The following APP variants were observed in gnomAD, a reference collection of about 807,000 sequenced individuals.
APP encodes the protein amyloid-beta precursor protein.
In APP, 31 loss-of-function variants were observed where a neutral mutation model predicts 101.4. The observed-to-expected ratio is 0.31, with a 90% CI of 0.23 to 0.41. The LOEUF (loss-of-function observed/expected upper bound fraction) is 0.41, where lower values mean the gene tolerates loss of function less well. APP is among the 10% of genes least tolerant of loss of function. The pLI, the probability that APP is intolerant of heterozygous loss-of-function variation, is 1.00. For missense variants in APP, 839 were observed against 1,003.7 expected (o/e 0.84, Z 2.22); for synonymous variants, 366 against 364.4 (o/e 1.00, Z -0.05).
At chr21:26,052,962 G>A (rs939566191) in intron 4 of APP, among the ~76,000 whole-genome samples, 16 of 152,068 alleles carry the variant, frequency 1.1e-4, no homozygotes, top group African/African-American at 3.1e-4. Flanking sequence ...AGTTCAACTG[G>A]CCCTATTTTT....
intron 6 of APP, among the ~76,000 whole-genome samples, chr21:26,014,990 T>G (rs1404399549): frequency 6.6e-6 from 1 of 152,228 alleles, no homozygotes; most frequent in Admixed American, 6.5e-5. Context: ...TAATACTATC[T>G]TATCCAATTT....
intron 1 of APP, among the ~76,000 whole-genome samples, chr21:26,162,488 G>T (rs1457488922): frequency 6.6e-6 from 1 of 151,970 alleles, no homozygotes; most frequent in Non-Finnish European, 1.5e-5. Flanking sequence ...TAATTTTACT[G>T]TGAAATAACG....
chr21:26,080,769 C>CA (rs58573361), intron 3 of APP, among the ~76,000 whole-genome samples: 8,646 of 95,588 alleles, frequency 0.09, 321 homozygotes, highest in East Asian at 0.13. Flanking sequence ...GACTCTATCT[C>CA]AAAAAAAAAA....
intron 1 of APP, among the ~76,000 whole-genome samples, chr21:26,155,825 C>G (rs2063363760): frequency 6.6e-6 from 1 of 152,004 alleles, no homozygotes; most frequent in Non-Finnish European, 1.5e-5. Flanking sequence ...GAAACCCTGT[C>G]TCTACCAAAA....
chr21:26,139,410 G>A (rs2062993008), intron 1 of APP, among the ~76,000 whole-genome samples: 1 of 152,114 alleles, frequency 6.6e-6, no homozygotes, highest in Admixed American at 6.5e-5. Flanking sequence ...GATAAGGTAA[G>A]GTTACATTAG....
intron 5 of APP, among the ~76,000 whole-genome samples, chr21:26,042,728 C>T (rs1157998754): frequency 2.7e-5 from 4 of 147,498 alleles, no homozygotes; most frequent in African/African-American, 7.5e-5. Flanking sequence ...ATAGTGAGAC[C>T]CCTGTCTCTA....
At position 25,992,853 on chromosome 21, in the gene APP, C is replaced by T. The variant is rs539193214; in HGVS notation, c.1090+4507G>A. Among the ~76,000 whole-genome samples, 6 of 152,286 alleles carry T rather than the reference C, an allele frequency of 3.9e-5. No homozygotes were observed. In the East Asian group the frequency reaches 1.2e-3, roughly 29 times the overall value. On this transcript the variant is annotated intron_variant, in intron 8 of 17. Coordinates refer to ENST00000346798, the MANE Select transcript of APP (RefSeq NM_000484.4). ...TCCCAGGTTGCCTAATCTAATTTGG[C>T]AGTTTTAGTTCCAATGGTATTGCAG...
chr21:26,134,284 C>T (rs150522514), intron 1 of APP, among the ~76,000 whole-genome samples: 3 of 152,264 alleles, frequency 2.0e-5, no homozygotes, highest in African/African-American at 7.2e-5. Flanking sequence ...TTACACATCC[C>T]ACAGGCTGAG....
At chr21:26,119,843 G>C (rs1037839871) in intron 1 of APP, among the ~76,000 whole-genome samples, 1 of 152,184 alleles carries the variant, frequency 6.6e-6, no homozygotes, top group Non-Finnish European at 1.5e-5. Context: ...TCCTCAGAGA[G>C]AGTGGTTTGA....
intron 16 of APP, among the ~76,000 whole-genome samples, chr21:25,897,261 T>TCACAC (rs2038123935): frequency 2.0e-5 from 3 of 152,090 alleles, no homozygotes; most frequent in South Asian, 2.1e-4. Flanking sequence ...TACAGGTGTT[T>TCACAC]GCCACCACAC....
chr21:26,019,653 GT>G (rs11295666), intron 6 of APP, among the ~76,000 whole-genome samples: 152,301 of 152,302 alleles, frequency 1, 76,150 homozygotes, highest in Non-Finnish European at 1. Context: ...AAAATCTAAT[GT>G]TTCAAGTAAA....
chr21:26,058,707 G>A (rs1376313563), intron 3 of APP, among the ~76,000 whole-genome samples: 1 of 152,120 alleles, frequency 6.6e-6, no homozygotes, highest in East Asian at 1.9e-4. Context: ...AGGCTGTGGT[G>A]GGAGGATCAC....
chr21:26,056,862 AATTTGAT>A (rs2046062509), intron 3 of APP, among the ~76,000 whole-genome samples: 1 of 152,262 alleles, frequency 6.6e-6, no homozygotes, highest in East Asian at 1.9e-4. Context: ...TTACTTTTAA[AATTTGAT>A]GAAACATGTT....
At chr21:26,087,874 A>G (rs1162128032) in intron 3 of APP, among the ~76,000 whole-genome samples, 1 of 152,238 alleles carries the variant, frequency 6.6e-6, no homozygotes, top group African/African-American at 2.4e-5. Flanking sequence ...ACAAATACAA[A>G]TATTTGGACA....
At chr21:26,086,728 T>C (rs927796727) in intron 3 of APP, among the ~76,000 whole-genome samples, 1 of 152,240 alleles carries the variant, frequency 6.6e-6, no homozygotes, top group African/African-American at 2.4e-5. Flanking sequence ...TGGAGATTTA[T>C]CCTATACTAG....
chr21:25,971,369 T>C lies in APP; in HGVS notation c.1458+3701A>G, dbSNP rs540497334. 1.7e-4 allele frequency among the ~76,000 whole-genome samples: 26 copies of C among 152,304 alleles called. 2 individuals carry two copies. The South Asian group carries it at 5.2e-3, about 30-fold the overall frequency. On this transcript the variant is annotated intron_variant, in intron 11 of 17. Coordinates refer to ENST00000346798, the MANE Select transcript of APP (RefSeq NM_000484.4). ...CATAAACAACATTTCTGCAAGACAT[T>C]AGACATCAGGTGAAGGACACTGATT...
intron 6 of APP, among the ~76,000 whole-genome samples, chr21:26,012,671 G>A (rs2043860881): frequency 6.6e-6 from 1 of 151,668 alleles, no homozygotes; most frequent in South Asian, 2.1e-4. Flanking sequence ...CAGACCTATG[G>A]CTTGGCTAAA....
intron 13 of APP, among the ~76,000 whole-genome samples, chr21:25,920,732 T>C (rs1268971484): frequency 4.0e-5 from 6 of 148,904 alleles, no homozygotes; most frequent in Non-Finnish European, 8.9e-5. Flanking sequence ...ATAAAGCAAG[T>C]CCTGAGTGAC....
intron 15 of APP, among the ~76,000 whole-genome samples, chr21:25,900,482 C>G (rs1490852138): frequency 6.6e-6 from 1 of 151,526 alleles, no homozygotes; most frequent in East Asian, 1.9e-4. Flanking sequence ...ATCGCTTGAA[C>G]CCGGCAGGTG....
Sources: gnomAD v4.1 joint callset for allele counts (sites outside exome capture counted in the v4.1 genomes callset) on GRCh38, gnomAD v4.1.1 for gene constraint, MANE v1.5 for transcripts, NCBI Gene and HGNC (gene_info 2026-07-23, HGNC 2026-07-21) for gene names.